Variants in PTPRD observed in about 807,000 individuals in gnomAD.
PTPRD encodes receptor-type tyrosine-protein phosphatase delta.
A neutral mutation model predicts 214.5 loss-of-function variants in PTPRD; 34 were observed. That is an observed-to-expected ratio of 0.16 (90% CI 0.12 to 0.21). PTPRD has a LOEUF of 0.21. PTPRD is among the 10% of genes least tolerant of loss of function. The pLI, the probability that PTPRD is intolerant of heterozygous loss-of-function variation, is 1.00. For missense variants in PTPRD, 2,545 were observed against 2,398.7 expected, an observed-to-expected ratio of 1.06 and a Z score of -1.27; for synonymous variants, 1,128 against 845.7, an observed-to-expected ratio of 1.33 and a Z score of -5.79.
At chr9:8,527,241 G>T (rs2074412461) in intron 16 of PTPRD, 104 bp downstream of exon 16, 2 of 1,234,400 alleles carry the variant, frequency 1.6e-6, no homozygotes, top group East Asian at 2.5e-5. Flanking sequence ...TGTCTACACT[G>T]ACAGTTAGTA....
At chr9:8,502,848 G>GTATATATATATATATA (rs556444172) in intron 23 of PTPRD, among the ~76,000 whole-genome samples, 82 of 147,128 alleles carry the variant, frequency 5.6e-4, no homozygotes, top group African/African-American at 2.0e-3. Flanking sequence ...ATGTGTGTGT[G>GTATATATATATATATA]TATATATATA....
chr9:9,401,315 C>A (rs1233719822), intron 8 of PTPRD, among the ~76,000 whole-genome samples: 1 of 151,940 alleles, frequency 6.6e-6, no homozygotes. Flanking sequence ...TATATATACA[C>A]AAGTAATCAG....
intron 10 of PTPRD, among the ~76,000 whole-genome samples, chr9:9,031,388 T>C (rs1265630401): frequency 1.3e-5 from 2 of 151,982 alleles, no homozygotes; most frequent in Admixed American, 6.6e-5. Flanking sequence ...CTAGATAGCA[T>C]AGCCCACTAC....
chr9:9,691,200 C>A (rs999051655), intron 7 of PTPRD, among the ~76,000 whole-genome samples: 2 of 151,824 alleles, frequency 1.3e-5, no homozygotes, highest in African/African-American at 4.8e-5. Flanking sequence ...TTATTATTAA[C>A]AATAGTCCCC....
rs566821610 is a variant in PTPRD at position 9,315,833 on chromosome 9, C to CTTT, written c.-203+81613_-203+81615dup. On this transcript the variant is annotated intron_variant, in intron 9 of 45. Transcript: ENST00000381196. ...TTTTCTGTATTATAGTAGCAGACAACTTTTTTTTTTTTTTTTTTTTTTTTG... is the reference window on the plus strand; with the variant it reads ...TTTTCTGTATTATAGTAGCAGACAACTTTTTTTTTTTTTTTTTTTTTTTTTTTG... Among the ~76,000 whole-genome samples the CTTT allele has an allele frequency of 1.7e-3, 157 of 93,304 alleles. 1 individual carries two copies. The highest frequency in any genetic ancestry group is 2.9e-3 in the African/African-American group (74 of 25,132). The allele number at this position is 93,304 out of a possible 152,430, so 61.2% of individuals were successfully genotyped here.
chr9:8,623,101 T>C (rs1395593422), intron 14 of PTPRD, among the ~76,000 whole-genome samples: 2 of 151,896 alleles, frequency 1.3e-5, no homozygotes, highest in African/African-American at 4.8e-5. Context: ...CAGTGAGCTA[T>C]GATCTCACCA....
At chr9:9,560,128 C>T (rs1318857168) in intron 8 of PTPRD, among the ~76,000 whole-genome samples, 1 of 152,182 alleles carries the variant, frequency 6.6e-6, no homozygotes, top group Non-Finnish European at 1.5e-5. Flanking sequence ...GACTGGGTTG[C>T]ACAGCAATGT....
intron 27 of PTPRD, among the ~76,000 whole-genome samples, chr9:8,491,381 C>T (rs1394555553): frequency 6.6e-6 from 1 of 152,158 alleles, no homozygotes; most frequent in Non-Finnish European, 1.5e-5. Context: ...TCATATTCCT[C>T]GGCTATAAAT....
chr9:10,094,270 A>G (rs958320797), intron 3 of PTPRD, among the ~76,000 whole-genome samples: 4 of 151,190 alleles, frequency 2.6e-5, no homozygotes, highest in African/African-American at 9.7e-5. Context: ...TCCAACCCCT[A>G]AGAGACCTAT....
At chr9:9,358,529 T>A (rs1386385315) in intron 9 of PTPRD, among the ~76,000 whole-genome samples, 1 of 151,288 alleles carries the variant, frequency 6.6e-6, no homozygotes, top group Non-Finnish European at 1.5e-5. Flanking sequence ...AAAATGAATG[T>A]CATATTTTTG....
intron 37 of PTPRD, among the ~76,000 whole-genome samples, chr9:8,388,938 ATATT>A (rs2088319295): frequency 1.3e-5 from 2 of 151,148 alleles, no homozygotes; most frequent in Admixed American, 1.3e-4. Flanking sequence ...GTTCAAGCAA[ATATT>A]TATTTTCTCT....
At chr9:9,127,308 C>A (rs1334966061) in intron 10 of PTPRD, among the ~76,000 whole-genome samples, 1 of 152,166 alleles carries the variant, frequency 6.6e-6, no homozygotes, top group African/African-American at 2.4e-5. Flanking sequence ...TATAATGAAA[C>A]AACGTTGAAC....
At chr9:8,402,329 T>G in intron 36 of PTPRD, among the ~76,000 whole-genome samples, 1 of 152,200 alleles carries the variant, frequency 6.6e-6, no homozygotes, top group East Asian at 1.9e-4. Context: ...GAAATGTGCA[T>G]AGTTTTCAAC....
At chr9:8,768,802 T>A (rs1330091705) in intron 11 of PTPRD, among the ~76,000 whole-genome samples, 1 of 152,126 alleles carries the variant, frequency 6.6e-6, no homozygotes, top group Non-Finnish European at 1.5e-5. Flanking sequence ...AATCTGGAAT[T>A]AATATTAGAA....
chr9:9,575,058 A>C (rs1191470824), intron 7 of PTPRD, among the ~76,000 whole-genome samples: 1 of 135,274 alleles, frequency 7.4e-6, no homozygotes, highest in Non-Finnish European at 1.7e-5. Context: ...ACTATAGCTG[A>C]TGGATAACAT....
At chr9:8,349,633 C>T (rs2074872626) in intron 39 of PTPRD, among the ~76,000 whole-genome samples, 1 of 152,126 alleles carries the variant, frequency 6.6e-6, no homozygotes, top group Non-Finnish European at 1.5e-5. Flanking sequence ...AGAGTAGTTG[C>T]CAAGCACTGA....
chr9:8,453,383 C>G lies in PTPRD; in HGVS notation c.3876-3546G>C, dbSNP rs928516961. On this transcript the variant is annotated intron_variant, in intron 33 of 45. Transcript: ENST00000381196. ...GTTTCGCCGTGTTAGTCAGGATGGT[C>G]TCGATCTCCTGACCTTGTGATCCAC... Among the ~76,000 whole-genome samples the G allele has an allele frequency of 2.6e-5, 4 of 152,248 alleles. No individual in the cohort carries two copies. In the East Asian group the frequency reaches 5.8e-4, roughly 22 times the overall value.
intron 9 of PTPRD, among the ~76,000 whole-genome samples, chr9:9,261,355 G>A (rs1016784452): frequency 1.3e-5 from 2 of 151,734 alleles, no homozygotes; most frequent in Admixed American, 6.6e-5. Context: ...CTTTTATTCC[G>A]ATTTTAATGT....
At chr9:10,119,717 C>A (rs1384413754) in intron 3 of PTPRD, among the ~76,000 whole-genome samples, 1 of 151,854 alleles carries the variant, frequency 6.6e-6, no homozygotes, top group Admixed American at 6.6e-5. Flanking sequence ...TGTTCCACAG[C>A]AAGAAGGGAA....
Sources: gnomAD v4.1 joint callset for allele counts (sites outside exome capture counted in the v4.1 genomes callset) on GRCh38, gnomAD v4.1.1 for gene constraint, MANE v1.5 for transcripts, NCBI Gene and HGNC (gene_info 2026-07-23, HGNC 2026-07-21) for gene names.